CASP10: variants seen among roughly 807,000 people sequenced by gnomAD.
CASP10 encodes caspase-10.
A neutral mutation model predicts 48.5 loss-of-function variants in CASP10; 41 were observed. That is an observed-to-expected ratio of 0.85 (90% CI 0.66 to 1.10). CASP10 has a LOEUF of 1.10. Among genes scored for constraint, CASP10 ranks in the 50% least tolerant of loss-of-function variants. The pLI is 0.00. For missense variants in CASP10, 614 were observed against 614.5 expected (o/e 1.00, Z 0.01); for synonymous variants, 232 against 238.4 (o/e 0.97, Z 0.25).
rs140246829 is a variant in CASP10 at position 201,186,132 on chromosome 2, C to G, written c.347+8C>G. The G allele has an allele frequency of 1.2e-6, 2 of 1,603,644 alleles. No homozygotes were observed. Among genetic ancestry groups the G allele is most frequent in the Non-Finnish European group, 1.7e-6 (2 of 1,172,690 alleles). On this transcript the variant is annotated splice_region_variant and intron_variant, in intron 2 of 9. Coordinates refer to ENST00000286186, the MANE Select transcript of CASP10 (RefSeq NM_032977.4). ...AAGGGTTTCTCTGTTTAGGTGAGGACGGGTCTGTGGTGGAGATGGGAGGAT... is the reference window on the plus strand; with the variant it reads ...AAGGGTTTCTCTGTTTAGGTGAGGAGGGGTCTGTGGTGGAGATGGGAGGAT...
chr2:201,201,537 G>T (rs371969644), intron 5 of CASP10, among the ~76,000 whole-genome samples: 1 of 152,074 alleles, frequency 6.6e-6, no homozygotes, highest in East Asian at 1.9e-4. Flanking sequence ...GGTTTCTAAA[G>T]GGGCATGGCT....
At chr2:201,217,486 G>C (rs1282301489) in intron 9 of CASP10, 102 bp from the exon 10 acceptor site, 2 of 744,860 alleles carry the variant, frequency 2.7e-6, no homozygotes, top group East Asian at 5.5e-5. Context: ...TTGAATCCAG[G>C]AGGTGGAGGC....
intron 3 of CASP10, among the ~76,000 whole-genome samples, chr2:201,192,499 T>C (rs1944645174): frequency 6.6e-6 from 1 of 152,100 alleles, no homozygotes; most frequent in Non-Finnish European, 1.5e-5. Context: ...TTTCGAAACA[T>C]TTTCCCCTCA....
At chr2:201,199,498 A>G (rs1376490203) in intron 5 of CASP10, among the ~76,000 whole-genome samples, 2 of 152,096 alleles carry the variant, frequency 1.3e-5, no homozygotes, top group Non-Finnish European at 2.9e-5. Flanking sequence ...GAAAATAATA[A>G]AAATTAAAAA....
At position 201,185,896 on chromosome 2, in the gene CASP10, A is replaced by G. The variant is rs1206496780; in HGVS notation, c.119A>G (p.Lys40Arg). ...NLGVQDVENL[K>R]FLCIGLVPNK... Reference sequence around the variant, plus strand: ...GGGGTCCAAGATGTGGAGAACCTCAAGTTTCTCTGCATAGGATTGGTCCCC... The same window carrying G: ...GGGGTCCAAGATGTGGAGAACCTCAGGTTTCTCTGCATAGGATTGGTCCCC... The change falls in exon 2 of 10, where the codon AAG becomes AGG. Residue 40 changes from lysine (K) to arginine (R), a missense_variant. Lys to Arg is a conservative substitution (Grantham distance 26, BLOSUM62 2). Coordinates refer to ENST00000286186, the MANE Select transcript of CASP10 (RefSeq NM_032977.4). 6.2e-7 allele frequency: 1 copy of G among 1,614,150 alleles called. No individual in the cohort carries two copies. Among genetic ancestry groups the G allele is most frequent in the East Asian group, 2.2e-5 (1 of 44,888 alleles).
chr2:201,203,870 A>G (rs1207044494), intron 6 of CASP10, 104 bp downstream of exon 6: 2 of 910,512 alleles, frequency 2.2e-6, no homozygotes, highest in Non-Finnish European at 3.6e-6. Flanking sequence ...GAGAAGCTTT[A>G]TAAATAATGA....
intron 9 of CASP10, chr2:201,214,114 T>C (rs1945491901): frequency 6.6e-6 from 1 of 152,164 alleles, no homozygotes; most frequent in Non-Finnish European, 1.5e-5. Flanking sequence ...TAGTTCTTGA[T>C]ATTAAATGTT....
intron 4 of CASP10, 149 bp downstream of exon 4, chr2:201,193,268 T>C: frequency 1.3e-6 from 1 of 759,792 alleles, no homozygotes; most frequent in Non-Finnish European, 2.2e-6. Context: ...AGTGCAGTGG[T>C]GTGATCTTGG....
chr2:201,227,536 T>G (rs1203903542), intron 9 of CASP10, among the ~76,000 whole-genome samples: 1 of 152,134 alleles, frequency 6.6e-6, no homozygotes, highest in Non-Finnish European at 1.5e-5. Context: ...AAACAGTTTC[T>G]TTTTTTAATG....
rs951660640 is a variant in CASP10 at position 201,219,395 on chromosome 2, C to T, written c.*1654C>T. The T allele has an allele frequency of 1.2e-5, 12 of 975,024 alleles. No homozygotes were observed. In the African/African-American group the frequency reaches 1.4e-4, roughly 11 times the overall value. 60.4% of individuals were successfully genotyped at this position (975,024 alleles called of 1,614,324 possible). ...CACATTGAAACCCAGGAGTGGATAA[C>T]ACTGGCTTCAGGCAAAGCTTGAATC... On this transcript the variant is annotated 3_prime_UTR_variant, in exon 10 of 10. Transcript: ENST00000286186.
Position 201,205,918 on chromosome 2 carries a change from C to T in CASP10, c.758C>T (p.Ser253Phe), listed in dbSNP as rs1377861708. Residue 253 changes from serine (S) to phenylalanine (F), a missense_variant, in exon 7 of 10, where the codon TCC becomes TTC. By Grantham distance (155) the Ser-to-Phe change is radical. Coordinates refer to ENST00000286186, the MANE Select transcript of CASP10 (RefSeq NM_032977.4). ...ACAAATGGTGCACCAAGCCTGGTCT[C>T]CAGGGGGATGCAAGGAGCATCTGCT... ...RATNGAPSLVSRGMQGASANT... is the reference protein window; with the variant it reads ...RATNGAPSLVFRGMQGASANT... The T allele has an allele frequency of 1.9e-6, 3 of 1,613,384 alleles. No individual in the cohort carries two copies. The highest frequency in any genetic ancestry group is 2.5e-6 in the Non-Finnish European group (3 of 1,179,482).
In CASP10 at chr2:201,209,435, A is replaced by T. The variant is rs762718326; in HGVS notation, c.1288A>T (p.Ile430Phe). 14 of 1,613,970 alleles carry T rather than the reference A, an allele frequency of 8.7e-6. No homozygotes were observed. The Admixed American group carries it at 2.3e-4, about 27-fold the overall frequency. Reference sequence around the variant, plus strand: ...GGCACCCACTTCCCTGCAGGACAGTATTCCTGCCGAGGCTGACTTCCTACT... The same window carrying T: ...GGCACCCACTTCCCTGCAGGACAGTTTTCCTGCCGAGGCTGACTTCCTACT... ...EQAPTSLQDS[I>F]PAEADFLLGL... The change falls in exon 9 of 10, where the codon ATT becomes TTT. Residue 430 changes from isoleucine to phenylalanine, a missense_variant. Ile to Phe is a conservative substitution (Grantham distance 21, BLOSUM62 0). Coordinates refer to ENST00000286186, the MANE Select transcript of CASP10 (RefSeq NM_032977.4).
intron 5 of CASP10, among the ~76,000 whole-genome samples, chr2:201,203,146 G>T (rs1945078726): frequency 1.3e-5 from 2 of 152,008 alleles, no homozygotes; most frequent in Non-Finnish European, 2.9e-5. Flanking sequence ...ACTTCCTATT[G>T]GTGGACATTA....
At position 201,185,915 on chromosome 2, in the gene CASP10, G is replaced by A; in HGVS notation, c.138G>A (p.Leu46=). ...ACCTCAAGTTTCTCTGCATAGGATT[G>A]GTCCCCAACAAGAAGCTGGAGAAGT... ...VENLKFLCIG[L]VPNKKLEKSS... Residue 46 remains leucine, a synonymous_variant, in exon 2 of 10, where the codon TTG becomes TTA. Coordinates refer to ENST00000286186, the MANE Select transcript of CASP10 (RefSeq NM_032977.4). 2 of 1,614,162 alleles carry A rather than the reference G, an allele frequency of 1.2e-6. No homozygotes were observed. Among genetic ancestry groups the A allele is most frequent in the Non-Finnish European group, 8.5e-7 (1 of 1,180,004 alleles).
chr2:201,184,142 C>T (rs530101827), intron 1 of CASP10, among the ~76,000 whole-genome samples: 1 of 152,176 alleles, frequency 6.6e-6, no homozygotes, highest in African/African-American at 2.4e-5. Flanking sequence ...AGTGATCCAC[C>T]TGCCTCAGTC....
rs565907504 is a variant in CASP10 at position 201,187,719 on chromosome 2, G to A, written c.361G>A (p.Glu121Lys). 30 of 1,613,770 alleles carry A rather than the reference G, an allele frequency of 1.9e-5. 1 individual carries two copies. Among genetic ancestry groups the A allele is most frequent in the East Asian group, 1.6e-4 (7 of 44,864 alleles). ...RVSLFRNLLY[E>K]LSEGIDSENL... The stretch of plus-strand genomic sequence containing the variant: ...TGTGTGTCTTAGAAACCTGCTCTAC[G>A]AACTGTCAGAAGGCATTGACTCAGA... The change falls in exon 3 of 10, where the codon GAA (glutamate) becomes AAA (lysine). Residue 121 changes from glutamate to lysine, a missense_variant. Physicochemically the swap from Glu to Lys is moderately conservative, Grantham distance 56 (BLOSUM62 1). Transcript: ENST00000286186.
downstream of CASP10, among the ~76,000 whole-genome samples, chr2:201,224,484 G>A (rs1945764506): frequency 6.6e-6 from 1 of 152,082 alleles, no homozygotes; most frequent in African/African-American, 2.4e-5. Context: ...GTAATTTTGA[G>A]TAGGTAATAT....
rs1251211087 is a variant in CASP10, at chr2:201,194,087, T to TTGTA, written c.577+971_577+972insATGT. On this transcript the variant is annotated intron_variant, in intron 4 of 9. Coordinates refer to ENST00000286186, the MANE Select transcript of CASP10 (RefSeq NM_032977.4). ...ACTATCAAAAAAGAACTTTATTTTC[T>TTGTA]TGTGTGTGTGTGTGTGTGTGTGTGT... 1.3e-3 allele frequency among the ~76,000 whole-genome samples: 188 copies of TTGTA among 148,468 alleles called. 2 individuals carry two copies. Among genetic ancestry groups the TTGTA allele is most frequent in the African/African-American group, 4.5e-3 (181 of 40,316 alleles).
intron 3 of CASP10, 40 bp downstream of exon 3, chr2:201,187,839 C>G: frequency 7.3e-7 from 1 of 1,372,506 alleles, no homozygotes; most frequent in African/African-American, 1.4e-5. Context: ...TGAGCACTGT[C>G]TTAATCAATG....
Sources: gnomAD v4.1 joint callset for allele counts (sites outside exome capture counted in the v4.1 genomes callset) on GRCh38, gnomAD v4.1.1 for gene constraint, MANE v1.5 for transcripts, NCBI Gene and HGNC (gene_info 2026-07-23, HGNC 2026-07-21) for gene names.